TENM4: variants seen among roughly 807,000 people sequenced by gnomAD.
TENM4 encodes teneurin-4.
A neutral mutation model predicts 243.3 loss-of-function variants in TENM4; 82 were observed. The ratio of observed to expected loss-of-function variants is 0.34; its 90% CI spans 0.28 to 0.40. The LOEUF is 0.40. Ranked by LOEUF, TENM4 falls within the 10% of genes least tolerant of loss-of-function variation. The probability of loss-of-function intolerance (pLI) is 1.00; values close to 1 mark genes in which losing one functional copy is unlikely to be tolerated. For synonymous variants in TENM4, 1,412 were observed against 1,456.3 expected (o/e 0.97, Z 0.69); for missense variants, 3,138 against 3,673.3 (o/e 0.85, Z 3.77).
chr11:78,922,983 A>G (rs1006788856), intron 6 of TENM4, among the ~76,000 whole-genome samples: 1 of 152,056 alleles, frequency 6.6e-6, no homozygotes, highest in African/African-American at 2.4e-5. Context: ...CTCCTTTCTC[A>G]AATGTTTTTT....
intron 1 of TENM4, among the ~76,000 whole-genome samples, chr11:79,331,797 C>T (rs1256131967): frequency 6.6e-6 from 1 of 152,242 alleles, no homozygotes; most frequent in Non-Finnish European, 1.5e-5. Flanking sequence ...AGAGCTCAGC[C>T]TACCAGCCTC....
At chr11:79,030,032 A>G (rs77763690) in intron 6 of TENM4, among the ~76,000 whole-genome samples, 16,079 of 152,100 alleles carry the variant, frequency 0.11, 1,121 homozygotes, top group African/African-American at 0.19. Context: ...AACCCCACCC[A>G]GTTCAATGGG....
At chr11:78,950,538 G>A (rs561279846) in intron 6 of TENM4, among the ~76,000 whole-genome samples, 1 of 152,298 alleles carries the variant, frequency 6.6e-6, no homozygotes, top group South Asian at 2.1e-4. Flanking sequence ...GCACACCTGG[G>A]ATGCAAAAAT....
At chr11:79,245,938 T>TAAAAAA (rs1199883938) in intron 2 of TENM4, among the ~76,000 whole-genome samples, 31 of 64,812 alleles carry the variant, frequency 4.8e-4, no homozygotes, top group African/African-American at 8.1e-4. Flanking sequence ...AGACTTTGTC[T>TAAAAAA]AAAAAAAAAA....
intron 2 of TENM4, among the ~76,000 whole-genome samples, chr11:79,280,137 A>G (rs911145033): frequency 6.6e-6 from 1 of 152,172 alleles, no homozygotes; most frequent in Non-Finnish European, 1.5e-5. Flanking sequence ...GTGAGAAATA[A>G]ATTTGTTCTT....
chr11:79,080,847 GA>G (rs1266258399), intron 4 of TENM4, among the ~76,000 whole-genome samples: 1 of 152,184 alleles, frequency 6.6e-6, no homozygotes, highest in Admixed American at 6.5e-5. Context: ...CAGTTTATTG[GA>G]TTGCCAATTC....
intron 4 of TENM4, among the ~76,000 whole-genome samples, chr11:79,108,808 CT>C (rs1861435193): frequency 1.3e-5 from 2 of 152,202 alleles, no homozygotes; most frequent in South Asian, 4.1e-4. Context: ...CTGGGTGCCC[CT>C]GACCTGGAAA....
intron 6 of TENM4, among the ~76,000 whole-genome samples, chr11:78,948,889 A>G (rs926499585): frequency 6.6e-6 from 1 of 152,140 alleles, no homozygotes; most frequent in East Asian, 1.9e-4. Context: ...TTGTTTTCTC[A>G]TAATTGGATT....
At chr11:79,108,436 G>A (rs1311673230) in intron 4 of TENM4, among the ~76,000 whole-genome samples, 2 of 152,020 alleles carry the variant, frequency 1.3e-5, no homozygotes, top group Non-Finnish European at 2.9e-5. Context: ...CCACAATCAC[G>A]TGAGCCAATT....
In TENM4 at chr11:78,917,809, T is replaced by C. The variant is rs537289393; in HGVS notation, c.494-14286A>G. The stretch of plus-strand genomic sequence containing the variant: ...AATACAGTATGGTAGGAGGGTGGCC[T>C]GGGTTTGAATCCTGGCTCTACTATT... On this transcript the variant is annotated intron_variant, in intron 6 of 33. Coordinates refer to ENST00000278550, the MANE Select transcript of TENM4 (RefSeq NM_001098816.3). Among the ~76,000 whole-genome samples the C allele has an allele frequency of 9.2e-5, 14 of 152,290 alleles. No homozygotes were observed. In the South Asian group the frequency reaches 2.9e-3, roughly 32 times the overall value.
chr11:79,129,189 T>C (rs1011145569), intron 4 of TENM4, among the ~76,000 whole-genome samples: 1 of 151,650 alleles, frequency 6.6e-6, no homozygotes, highest in Non-Finnish European at 1.5e-5. Flanking sequence ...AATACAGGGG[T>C]AGAGGAAGCA....
intron 4 of TENM4, among the ~76,000 whole-genome samples, chr11:79,100,648 T>C (rs1451163980): frequency 1.3e-5 from 2 of 152,094 alleles, no homozygotes; most frequent in Non-Finnish European, 2.9e-5. Flanking sequence ...TAAATATCTG[T>C]AGAAGCAATG....
At chr11:79,120,415 A>G (rs951286675) in intron 4 of TENM4, among the ~76,000 whole-genome samples, 3 of 152,222 alleles carry the variant, frequency 2.0e-5, no homozygotes, top group Non-Finnish European at 4.4e-5. Context: ...TGTTTTGTTC[A>G]ATAAAACACT....
At chr11:79,253,886 T>C (rs952415136) in intron 2 of TENM4, among the ~76,000 whole-genome samples, 1 of 152,208 alleles carries the variant, frequency 6.6e-6, no homozygotes, top group Non-Finnish European at 1.5e-5. Context: ...GAATATTCTA[T>C]TTACAGAAGA....
chr11:78,995,007 G>A (rs1858136498), intron 6 of TENM4, among the ~76,000 whole-genome samples: 4 of 152,190 alleles, frequency 2.6e-5, no homozygotes, highest in South Asian at 4.1e-4. Context: ...GATAAATAAA[G>A]AGTTTCAACA....
At chr11:78,975,416 G>C (rs1268258129) in intron 6 of TENM4, among the ~76,000 whole-genome samples, 1 of 152,090 alleles carries the variant, frequency 6.6e-6, no homozygotes, top group Non-Finnish European at 1.5e-5. Flanking sequence ...GTCAAAATCT[G>C]CTGGCCAACG....
intron 6 of TENM4, among the ~76,000 whole-genome samples, chr11:79,028,829 C>A (rs1381137179): frequency 1.3e-5 from 2 of 152,116 alleles, no homozygotes; most frequent in Non-Finnish European, 2.9e-5. Flanking sequence ...TTGTGTGGGG[C>A]ACTAGTTAAC....
chr11:79,349,279 T>C (rs1225179342), intron 1 of TENM4, among the ~76,000 whole-genome samples: 1 of 152,120 alleles, frequency 6.6e-6, no homozygotes. Context: ...TCTCTTAAAT[T>C]AGGTTGTCAG....
intron 7 of TENM4, among the ~76,000 whole-genome samples, chr11:78,899,636 C>T (rs984502234): frequency 4.0e-5 from 6 of 148,928 alleles, no homozygotes; most frequent in South Asian, 4.3e-4. Context: ...GGAGGCGTTT[C>T]GGTCACGAGG....
Sources: allele counts gnomAD v4.1 joint callset (sites outside exome capture counted in the v4.1 genomes callset), GRCh38; gene constraint gnomAD v4.1.1; transcripts MANE v1.5; gene names NCBI Gene and HGNC (gene_info 2026-07-23, HGNC 2026-07-21).